GLIS3: variants seen among roughly 807,000 people sequenced by gnomAD.
GLIS3 encodes the protein zinc finger protein GLIS3.
GLIS3 carries 53 observed loss-of-function variants against 78.6 expected under a neutral mutation model. That is an observed-to-expected ratio of 0.67 (90% CI 0.54 to 0.85). GLIS3 has a LOEUF of 0.85. Among genes scored for constraint, GLIS3 ranks in the 40% least tolerant of loss-of-function variants. The pLI, the probability that GLIS3 is intolerant of heterozygous loss-of-function variation, is 0.00. For missense variants in GLIS3, 1,703 were observed against 1,231.1 expected, an observed-to-expected ratio of 1.38 and a Z score of -5.74; for synonymous variants, 684 against 509.9, an observed-to-expected ratio of 1.34 and a Z score of -4.60.
Position 4,118,315 on chromosome 9 carries a change from C to G in GLIS3, c.1163G>C (p.Gly388Ala). 1 of 1,572,890 alleles carries G rather than the reference C, an allele frequency of 6.4e-7. No homozygotes were observed. Among genetic ancestry groups the G allele is most frequent in the Non-Finnish European group, 8.6e-7 (1 of 1,161,936 alleles). ...TTGCATGCGCTCGTGCTCCAGGGCC[C>G]CGTCCTCGCCGTAGGCCGGCAGCGC... ...GLALPAYGED[G>A]ALEHERMQQL... Residue 388 changes from glycine (G) to alanine (A), a missense_variant, in exon 4 of 11, where the codon GGG becomes GCG. Coordinates refer to ENST00000381971, the MANE Select transcript of GLIS3 (RefSeq NM_001042413.2). The surrounding 1 kb of genome is among the most constrained non-coding windows in gnomAD (Gnocchi z 4.7).
At chr9:4,129,178 C>T (rs781583303) in intron 2 of GLIS3, among the ~76,000 whole-genome samples, 3 of 152,188 alleles carry the variant, frequency 2.0e-5, no homozygotes, top group Non-Finnish European at 4.4e-5. Flanking sequence ...AACACCTATA[C>T]CTCCAGACTT....
At chr9:4,025,654 G>A (rs1193916436) in intron 4 of GLIS3, among the ~76,000 whole-genome samples, 1 of 152,130 alleles carries the variant, frequency 6.6e-6, no homozygotes, top group African/African-American at 2.4e-5. Flanking sequence ...CCAAAATGCT[G>A]GGATTACAGG....
chr9:4,468,251 C>G, the GLIS3 span, among the ~76,000 whole-genome samples: 1 of 152,206 alleles, frequency 6.6e-6, no homozygotes, highest in Non-Finnish European at 1.5e-5. Context: ...CCTAGCAAGG[C>G]TGACCAACTT....
intron 4 of GLIS3, among the ~76,000 whole-genome samples, chr9:4,019,372 G>C (rs1315013068): frequency 6.6e-6 from 1 of 152,260 alleles, no homozygotes; most frequent in African/African-American, 2.4e-5. Context: ...ACCACATGTA[G>C]ATCTGTGATT....
At chr9:4,290,854 G>A (rs1216534224) in intron 1 of GLIS3, among the ~76,000 whole-genome samples, 2 of 152,126 alleles carry the variant, frequency 1.3e-5, no homozygotes, top group African/African-American at 4.8e-5. Context: ...GAAACTGGAG[G>A]ATATTATAGA....
At chr9:4,289,893 C>T (rs1828306832) in intron 1 of GLIS3, among the ~76,000 whole-genome samples, 2 of 152,154 alleles carry the variant, frequency 1.3e-5, no homozygotes, top group African/African-American at 4.8e-5. Context: ...GAGGAAATTA[C>T]TTAACCCTAA....
chr9:4,098,513 A>C (rs1830130691), intron 4 of GLIS3, among the ~76,000 whole-genome samples: 1 of 152,216 alleles, frequency 6.6e-6, no homozygotes, highest in African/African-American at 2.4e-5. Flanking sequence ...TGGCAGCAGA[A>C]TCCAGTAAAC....
chr9:4,240,734 A>G lies in GLIS3; in HGVS notation c.388+45304T>C, dbSNP rs556190178. On this transcript the variant is annotated intron_variant, in intron 2 of 10. Transcript: ENST00000381971. ...TGTTCATCAAATCACAGTAAAACCA[A>G]TATTCAAACAAAAATGGATACTAGG... 7.2e-5 allele frequency among the ~76,000 whole-genome samples: 11 copies of G among 152,316 alleles called. No homozygotes were observed. The South Asian group carries it at 2.3e-3, about 32-fold the overall frequency.
At chr9:4,269,598 CATT>C in intron 2 of GLIS3, among the ~76,000 whole-genome samples, 1 of 152,280 alleles carries the variant, frequency 6.6e-6, no homozygotes, top group Middle Eastern at 3.4e-3. Context: ...CTAACTACAT[CATT>C]ATGTGTTCCA....
the GLIS3 span, among the ~76,000 whole-genome samples, chr9:4,365,444 C>G: frequency 6.6e-6 from 1 of 151,934 alleles, no homozygotes. Context: ...ATAGTCCCAG[C>G]TACTCAGGGG....
intron 4 of GLIS3, among the ~76,000 whole-genome samples, chr9:3,988,707 A>G (rs1202775183): frequency 6.6e-6 from 1 of 151,946 alleles, no homozygotes; most frequent in Non-Finnish European, 1.5e-5. Flanking sequence ...CGCATAGACA[A>G]AAAAAAAGAA....
chr9:4,086,593 G>T (rs1384278533), intron 4 of GLIS3, among the ~76,000 whole-genome samples: 1 of 152,222 alleles, frequency 6.6e-6, no homozygotes, highest in Non-Finnish European at 1.5e-5. Flanking sequence ...TGAAAAGCAT[G>T]TGTCTCCAGA....
chr9:4,392,738 T>C, the GLIS3 span, among the ~76,000 whole-genome samples: 2 of 152,228 alleles, frequency 1.3e-5, no homozygotes, highest in African/African-American at 4.8e-5. Context: ...AATTAATTAT[T>C]TGCTTCTGCT....
intron 2 of GLIS3, among the ~76,000 whole-genome samples, chr9:4,241,334 G>A (rs1336911386): frequency 6.6e-6 from 1 of 152,128 alleles, no homozygotes; most frequent in Non-Finnish European, 1.5e-5. Context: ...AAGGCAGAGA[G>A]GTTGATTAAT....
chr9:4,063,203 G>A (rs1475928941), intron 4 of GLIS3, among the ~76,000 whole-genome samples: 1 of 152,122 alleles, frequency 6.6e-6, no homozygotes, highest in Non-Finnish European at 1.5e-5. Context: ...TGTATGAGAT[G>A]TGTCCTTTCT....
In GLIS3 at chr9:4,163,277, C is replaced by T. The variant is rs145821746; in HGVS notation, c.389-37336G>A. 7.9e-3 allele frequency among the ~76,000 whole-genome samples: 1,208 copies of T among 152,348 alleles called. 17 individuals carry two copies. Among genetic ancestry groups the T allele is most frequent in the African/African-American group, 0.028 (1,164 of 41,580 alleles). ...ACACACACACACACACACGCGCACG[C>T]GCGCACACATACCATTTCTCAAACA... is the stretch of plus-strand genomic sequence containing the variant. On this transcript the variant is annotated intron_variant, in intron 2 of 10. Coordinates refer to ENST00000381971, the MANE Select transcript of GLIS3 (RefSeq NM_001042413.2).
chr9:3,848,222 C>T (rs957840358), intron 9 of GLIS3, among the ~76,000 whole-genome samples: 7 of 152,138 alleles, frequency 4.6e-5, no homozygotes, highest in Non-Finnish European at 2.9e-5. Flanking sequence ...ACCTCTAGGC[C>T]GGGCATGGTG....
chr9:4,053,269 G>A lies in GLIS3; in HGVS notation c.1710+64499C>T, dbSNP rs78476149. On this transcript the variant is annotated intron_variant, in intron 4 of 10. Transcript: ENST00000381971. The stretch of plus-strand genomic sequence containing the variant: ...CAGCCTCATGTTTAATTTTATAACC[G>A]GTATTAACTAGCATGAGGGGCCATT... Among the ~76,000 whole-genome samples the A allele has an allele frequency of 4.5e-4, 68 of 152,172 alleles. No homozygotes were observed. The East Asian group carries it at 8.5e-3, about 19-fold the overall frequency.
chr9:4,456,158 G>A, the GLIS3 span, among the ~76,000 whole-genome samples: 2 of 152,096 alleles, frequency 1.3e-5, no homozygotes, highest in Non-Finnish European at 2.9e-5. Context: ...TTGTGCATGC[G>A]ATAGCATTAT....
Sources: allele counts gnomAD v4.1 joint callset (sites outside exome capture counted in the v4.1 genomes callset), GRCh38; gene constraint gnomAD v4.1.1; non-coding constraint Gnocchi (gnomAD v3.1); transcripts MANE v1.5; gene names NCBI Gene and HGNC (gene_info 2026-07-23, HGNC 2026-07-21).